Variants in CPNE7 observed in about 807,000 individuals in gnomAD.
The protein encoded by CPNE7 is copine 7, also known as copine-7.
In CPNE7, 78 loss-of-function variants were observed where a neutral mutation model predicts 66.5. The observed-to-expected ratio is 1.17, with a 90% confidence interval of 0.98 to 1.42. The LOEUF is 1.42. Ranked by LOEUF, CPNE7 falls within the 40% of genes most tolerant of loss-of-function variation. CPNE7 has a pLI of 0.00. For missense variants in CPNE7, 1,012 were observed against 776.6 expected (o/e 1.30, Z -3.60); for synonymous variants, 468 against 336.7 (o/e 1.39, Z -4.27).
chr16:89,596,762 G>A lies in CPNE7; in HGVS notation c.*141G>A. The A allele has an allele frequency of 9.0e-7, 1 of 1,115,138 alleles. No individual in the cohort carries two copies. The highest frequency in any genetic ancestry group is 1.2e-6 in the Non-Finnish European group (1 of 843,912). The allele number at this position is 1,115,138 out of a possible 1,614,324, so 69.1% of individuals were successfully genotyped here. On this transcript the variant is annotated 3_prime_UTR_variant, in exon 15 of 15. Transcript: ENST00000319518. The stretch of plus-strand genomic sequence containing the variant: ...CCAGGCCCCACTCCCAGTCCTCCTG[G>A]GATCCTGCTGGCTTGGGCCCGGCTC...
Position 89,576,016 on chromosome 16 carries a change from C to G in CPNE7, c.119C>G (p.Thr40Ser). 4 of 1,358,398 alleles carry G rather than the reference C, an allele frequency of 2.9e-6. No homozygotes were observed. The highest frequency in any genetic ancestry group is 3.4e-5 in the South Asian group (2 of 58,302). The allele number at this position is 1,358,398 out of a possible 1,614,324, so 84.1% of individuals were successfully genotyped here. The change falls in exon 1 of 15, where the codon ACC (threonine) becomes AGC (serine). Residue 40 changes from threonine (T) to serine (S), a missense_variant. By Grantham distance (58) the Thr-to-Ser change is moderately conservative. Transcript: ENST00000319518. Reference protein sequence around the residue: ...CRHLLDRDPLTKSDPSVALLQ... With the variant: ...CRHLLDRDPLSKSDPSVALLQ... ...CACCTGCTGGACCGCGACCCGCTCA[C>G]CAAGTCCGACCCCAGCGTGGCGTTG...
chr16:89,578,453 T>C (rs1438429449), intron 2 of CPNE7, among the ~76,000 whole-genome samples: 1 of 152,078 alleles, frequency 6.6e-6, no homozygotes, highest in Non-Finnish European at 1.5e-5. Context: ...AGCCCCTCCA[T>C]ATCAGCACCT....
intron 2 of CPNE7, among the ~76,000 whole-genome samples, chr16:89,582,758 T>G (rs914985238): frequency 6.6e-6 from 1 of 152,238 alleles, no homozygotes; most frequent in African/African-American, 2.4e-5. Flanking sequence ...CCCTCTCTGC[T>G]TTGTATTCAA....
Position 89,595,976 on chromosome 16 carries a change from G to A in CPNE7, c.1539+373G>A, listed in dbSNP as rs115381149. On this transcript the variant is annotated intron_variant, in intron 14 of 14. Coordinates refer to ENST00000319518, the MANE Select transcript of CPNE7 (RefSeq NM_153636.3). ...ACAGCACACACGTGAGGTTCTACCC[G>A]GTGAGACGCACAGCACACACGTGAG... 1,111 of 501,144 alleles carry A rather than the reference G, an allele frequency of 2.2e-3. 8 individuals are homozygous for A. Among genetic ancestry groups the A allele is most frequent in the African/African-American group, 0.019 (958 of 49,332 alleles). The allele number at this position is 501,144 out of a possible 1,614,324, so 31.0% of individuals were successfully genotyped here. A position where few individuals can be genotyped will look rare whatever the true frequency, so the allele number is the denominator to read the frequency against.
chr16:89,579,409 C>T (rs536049988), intron 2 of CPNE7, among the ~76,000 whole-genome samples: 7 of 152,210 alleles, frequency 4.6e-5, no homozygotes, highest in Non-Finnish European at 7.4e-5. Flanking sequence ...TCACACGGAA[C>T]ATCTCACCTG....
chr16:89,590,356 C>G (rs755373103), intron 11 of CPNE7, among the ~76,000 whole-genome samples: 4 of 152,062 alleles, frequency 2.6e-5, no homozygotes, highest in African/African-American at 7.2e-5. Context: ...GAAACCCCAT[C>G]TCTACCAAAA....
chr16:89,591,048 T>G lies in CPNE7; in HGVS notation c.1158T>G (p.Asp386Glu). Reference sequence around the variant, plus strand: ...CCATCAATTTCAACCCTGAGGACGATGAGTGTGAAGGTAGGAGCTCGAGGC... The same window carrying G: ...CCATCAATTTCAACCCTGAGGACGAGGAGTGTGAAGGTAGGAGCTCGAGGC... ...DFAINFNPED[D>E]ECEGIQGVVE... Residue 386 changes from aspartate (D) to glutamate (E), a missense_variant, in exon 12 of 15, where the codon GAT (aspartate) becomes GAG (glutamate). Asp to Glu is a conservative substitution (Grantham distance 45, BLOSUM62 2). Transcript: ENST00000319518. 3 of 1,612,686 alleles carry G rather than the reference T, an allele frequency of 1.9e-6. No homozygotes were observed. Among genetic ancestry groups the G allele is most frequent in the Non-Finnish European group, 2.5e-6 (3 of 1,179,636 alleles).
chr16:89,589,816 C>T, intron 10 of CPNE7, 81 bp from the exon 11 acceptor site: 3 of 1,507,844 alleles, frequency 2.0e-6, no homozygotes, highest in Non-Finnish European at 2.7e-6. Flanking sequence ...TTTTGGGCGC[C>T]AGTCATGTCT....
chr16:89,589,056 C>G (rs1286834248), intron 10 of CPNE7, among the ~76,000 whole-genome samples: 1 of 152,320 alleles, frequency 6.6e-6, no homozygotes, highest in Middle Eastern at 3.4e-3. Context: ...TTTTGGGAGG[C>G]CGAGGCGGGT....
chr16:89,587,429 C>T (rs187464198), intron 9 of CPNE7: 88 of 384,390 alleles, frequency 2.3e-4, no homozygotes, highest in Middle Eastern at 9.8e-4. Flanking sequence ...TCTCCATGCG[C>T]GGCTCCTGGG....
intron 1 of CPNE7, 99 bp from the exon 2 acceptor site, chr16:89,577,440 G>T: frequency 8.1e-7 from 1 of 1,240,964 alleles, no homozygotes. Flanking sequence ...GAGTCCTCCT[G>T]AGGTACCTGG....
intron 13 of CPNE7, among the ~76,000 whole-genome samples, chr16:89,593,856 G>T (rs553097883): frequency 3.3e-5 from 5 of 152,312 alleles, no homozygotes; most frequent in East Asian, 1.9e-4. Flanking sequence ...CGGAGTCGAG[G>T]ATTGCGTTCA....
intron 2 of CPNE7, among the ~76,000 whole-genome samples, chr16:89,578,692 A>G (rs368397763): frequency 3.3e-4 from 49 of 150,202 alleles, no homozygotes; most frequent in African/African-American, 1.1e-3. Context: ...CCCGGGAGGC[A>G]GAGGTTGCAG....
intron 10 of CPNE7, among the ~76,000 whole-genome samples, chr16:89,589,019 C>T (rs1195488171): frequency 3.9e-5 from 6 of 152,174 alleles, no homozygotes; most frequent in African/African-American, 7.2e-5. Flanking sequence ...GGGCCGGGCG[C>T]GGTAGCTCAT....
Position 89,589,834 on chromosome 16 carries a change from A to T in CPNE7, c.1062-63A>T, listed in dbSNP as rs1427830914. The stretch of plus-strand genomic sequence containing the variant: ...TGGGCGCCAGTCATGTCTCCCTAGA[A>T]GTGGCCCCTGTTGCAGCCACAAGAG... On this transcript the variant is annotated intron_variant, in intron 10 of 14. Transcript: ENST00000319518. 1.9e-6 allele frequency: 3 copies of T among 1,571,406 alleles called. 1 individual carries two copies. Among genetic ancestry groups the T allele is most frequent in the Non-Finnish European group, 2.6e-6 (3 of 1,144,056 alleles).
chr16:89,588,623 G>C, intron 9 of CPNE7, 52 bp from the exon 10 acceptor site: 3 of 1,607,754 alleles, frequency 1.9e-6, no homozygotes, highest in Non-Finnish European at 2.5e-6. Flanking sequence ...TGTCAGGAGC[G>C]GGTTCGGGGA....
chr16:89,578,822 C>T (rs1269215940), intron 2 of CPNE7: 3 of 1,568,764 alleles, frequency 1.9e-6, no homozygotes, highest in African/African-American at 2.8e-5. Context: ...GCCACTGCTT[C>T]CTTGGTGATG....
chr16:89,591,315 C>G lies in CPNE7; in HGVS notation c.1302+55C>G, dbSNP rs979656298. ...TGGTGTGGGGTCGGCTGTGTGTGCA[C>G]CAGCGCGTGGACGTCAGGGAGGCAC... On this transcript the variant is annotated intron_variant, in intron 13 of 14. Coordinates refer to ENST00000319518, the MANE Select transcript of CPNE7 (RefSeq NM_153636.3). 24 of 1,488,104 alleles carry G rather than the reference C, an allele frequency of 1.6e-5. No homozygotes were observed. In the South Asian group the frequency reaches 2.0e-4, roughly 13 times the overall value. The allele number at this position is 1,488,104 out of a possible 1,614,324, so 92.2% of individuals were successfully genotyped here.
At chr16:89,578,282 C>G (rs1386751872) in intron 2 of CPNE7, among the ~76,000 whole-genome samples, 3 of 151,912 alleles carry the variant, frequency 2.0e-5, no homozygotes, top group Non-Finnish European at 4.4e-5. Context: ...TCAGGCTGCT[C>G]TTGAAATCCT....
Sources: gnomAD v4.1 joint callset for allele counts (sites outside exome capture counted in the v4.1 genomes callset) on GRCh38, gnomAD v4.1.1 for gene constraint, MANE v1.5 for transcripts, NCBI Gene and HGNC (gene_info 2026-07-23, HGNC 2026-07-21) for gene names.